The following DNAAF5 variants were observed in gnomAD, a reference collection of about 807,000 sequenced individuals.
DNAAF5 encodes dynein axonemal assembly factor 5.
Under a neutral mutation model 75.8 loss-of-function variants are expected in DNAAF5, and 64 were observed. That is an observed-to-expected ratio of 0.84 (90% CI 0.69 to 1.04). DNAAF5 has a LOEUF of 1.04. Ranked by LOEUF, DNAAF5 falls within the 50% of genes least tolerant of loss-of-function variation. The probability of loss-of-function intolerance (pLI) is 0.00; values close to 1 mark genes in which losing one functional copy is unlikely to be tolerated. For missense variants in DNAAF5, 1,269 were observed against 1,178.5 expected (o/e 1.08, Z -1.12); for synonymous variants, 657 against 557.2 (o/e 1.18, Z -2.52).
intron 2 of DNAAF5, among the ~76,000 whole-genome samples, chr7:734,363 C>G (rs766567698): frequency 6.6e-6 from 1 of 152,188 alleles, no homozygotes. Flanking sequence ...TCACGTAGTT[C>G]TTGTCCTTCA....
chr7:770,815 C>T, intron 9 of DNAAF5, 197 bp downstream of exon 9: 1 of 549,290 alleles, frequency 1.8e-6, no homozygotes, highest in African/African-American at 1.9e-5. Flanking sequence ...CTCCCCCACG[C>T]CGAGTCTAAG....
At position 756,829 on chromosome 7, in the gene DNAAF5, G is replaced by A; in HGVS notation, c.1305G>A (p.Val435=). The A allele has an allele frequency of 2.5e-6, 4 of 1,614,046 alleles. No individual in the cohort carries two copies. The South Asian group carries it at 4.4e-5, about 18-fold the overall frequency. Residue 435 remains valine, a synonymous_variant, in exon 6 of 13, where the codon GTG becomes GTA. Coordinates refer to ENST00000297440, the MANE Select transcript of DNAAF5 (RefSeq NM_017802.4). ...ELVGTFVSPE[V]FLKLILSTLK... ...TCGGGACGTTTGTCAGCCCTGAGGT[G>A]TTTCTGAAGCTGATCTTATCGACGC...
At chr7:745,930 C>T (rs925610179) in intron 4 of DNAAF5, among the ~76,000 whole-genome samples, 3 of 152,126 alleles carry the variant, frequency 2.0e-5, no homozygotes, top group Admixed American at 6.5e-5. Context: ...TTATCCGTGC[C>T]GAGGCGTAGA....
At chr7:732,323 G>A (rs530510626) in intron 2 of DNAAF5, among the ~76,000 whole-genome samples, 1 of 152,382 alleles carries the variant, frequency 6.6e-6, no homozygotes, top group African/African-American at 2.4e-5. Flanking sequence ...CAGGCAGGAC[G>A]GACGTATGGC....
chr7:741,574 G>A (rs1781913622), intron 4 of DNAAF5, 109 bp downstream of exon 4: 8 of 697,486 alleles, frequency 1.1e-5, no homozygotes, highest in African/African-American at 5.4e-5. Context: ...GAGCCCAGGC[G>A]GCCGCGTCGG....
At chr7:746,602 A>G (rs1229147820) in intron 4 of DNAAF5, among the ~76,000 whole-genome samples, 1 of 139,612 alleles carries the variant, frequency 7.2e-6, no homozygotes, top group Non-Finnish European at 1.5e-5. Context: ...CGTCGTGCCT[A>G]GGGACTGTGA....
intron 4 of DNAAF5, among the ~76,000 whole-genome samples, chr7:750,188 G>A (rs564384024): frequency 1.5e-4 from 23 of 152,172 alleles, no homozygotes; most frequent in Non-Finnish European, 2.8e-4. Context: ...CAGTTTCTGC[G>A]TGTTGAGTGC....
At chr7:743,413 G>A (rs552449491) in intron 4 of DNAAF5, among the ~76,000 whole-genome samples, 1 of 152,006 alleles carries the variant, frequency 6.6e-6, no homozygotes, top group Admixed American at 6.6e-5. Context: ...CTCATGTCTG[G>A]TATTGATGTT....
chr7:750,269 G>A (rs1177081325), intron 4 of DNAAF5, among the ~76,000 whole-genome samples: 1 of 152,218 alleles, frequency 6.6e-6, no homozygotes, highest in African/African-American at 2.4e-5. Context: ...GCATCGCACA[G>A]CCAGGCACGT....
chr7:746,214 G>A (rs1201592463), intron 4 of DNAAF5, among the ~76,000 whole-genome samples: 3 of 151,806 alleles, frequency 2.0e-5, no homozygotes, highest in Non-Finnish European at 2.9e-5. Context: ...CCTCCCTGCC[G>A]TCCTGCCACC....
intron 9 of DNAAF5, 34 bp downstream of exon 9, chr7:770,652 G>C (rs1283135930): frequency 3.1e-6 from 5 of 1,601,894 alleles, no homozygotes; most frequent in South Asian, 1.1e-5. Flanking sequence ...ACGGCCCCCA[G>C]CTGGGGCCTG....
intron 4 of DNAAF5, among the ~76,000 whole-genome samples, chr7:749,099 G>A (rs1372928646): frequency 1.3e-5 from 2 of 152,062 alleles, no homozygotes; most frequent in African/African-American, 4.8e-5. Flanking sequence ...TGAAACCTCC[G>A]CCTTAAAAAC....
At chr7:753,842 A>G (rs1426061282) in intron 4 of DNAAF5, among the ~76,000 whole-genome samples, 2 of 138,972 alleles carry the variant, frequency 1.4e-5, no homozygotes, top group Admixed American at 7.4e-5. Context: ...ATGGCTTCGC[A>G]GGCGTGTCTC....
intron 8 of DNAAF5, among the ~76,000 whole-genome samples, chr7:766,452 C>T (rs1354651921): frequency 6.6e-6 from 1 of 152,148 alleles, no homozygotes; most frequent in African/African-American, 2.4e-5. Flanking sequence ...TTTAAACATA[C>T]AGAAAGGGAT....
chr7:732,840 G>A (rs907824624), intron 2 of DNAAF5, among the ~76,000 whole-genome samples: 1 of 152,080 alleles, frequency 6.6e-6, no homozygotes, highest in African/African-American at 2.4e-5. Flanking sequence ...TTAACTTGAT[G>A]TGATCCCATT....
At chr7:757,410 C>T (rs1365297517) in intron 6 of DNAAF5, among the ~76,000 whole-genome samples, 5 of 152,244 alleles carry the variant, frequency 3.3e-5, no homozygotes, top group South Asian at 2.1e-4. Flanking sequence ...CGTCATCCCA[C>T]CCCTGAGGAG....
rs1194168291 is a variant in DNAAF5, at chr7:726,940, GCGCGCCTACTGCTGC to G, written c.226_240del (p.Leu78_Leu82del). 1.5e-6 allele frequency: 2 copies of G among 1,340,196 alleles called. No homozygotes were observed. The highest frequency in any genetic ancestry group is 1.9e-6 in the Non-Finnish European group (2 of 1,042,460). 83.0% of individuals were successfully genotyped at this position (1,340,196 alleles called of 1,614,324 possible). ...CCCCACCGCTTTCCAGGGCCCCTGG[GCGCGCCTACTGCTGC>G]CGCGCTTGCTGCGCTGCCTGAGCGA... On this transcript the variant is annotated inframe_deletion, in exon 1 of 13. Coordinates refer to ENST00000297440, the MANE Select transcript of DNAAF5 (RefSeq NM_017802.4).
rs766901850 is a variant in DNAAF5 at position 729,689 on chromosome 7, C to T, written c.622C>T (p.Leu208=). ...CCACTTCCACATGCAGTCGGAGTCT[C>T]TGATCGGGCCCCTGATGCAGACCAT... ...PDHFHMQSES[L]IGPLMQTISH... The change falls in exon 2 of 13, where the codon CTG becomes TTG. Residue 208 remains leucine, a synonymous_variant. Coordinates refer to ENST00000297440, the MANE Select transcript of DNAAF5 (RefSeq NM_017802.4). 45 of 1,613,918 alleles carry T rather than the reference C, an allele frequency of 2.8e-5. No homozygotes were observed. Among genetic ancestry groups the T allele is most frequent in the Non-Finnish European group, 3.6e-5 (43 of 1,180,032 alleles).
Position 754,764 on chromosome 7 carries a change from C to T in DNAAF5, c.1200C>T (p.Val400=), listed in dbSNP as rs763886047. 61 of 1,613,176 alleles carry T rather than the reference C, an allele frequency of 3.8e-5. 2 individuals are homozygous for T. The South Asian group carries it at 5.4e-4, about 14-fold the overall frequency. The change falls in exon 5 of 13, where the codon GTC becomes GTT. Residue 400 remains valine (V), a synonymous_variant. Coordinates refer to ENST00000297440, the MANE Select transcript of DNAAF5 (RefSeq NM_017802.4). This position sits in a 1 kb window ranked among gnomAD's most constrained non-coding sequence, Gnocchi z 4.8. ...ACCACGCCACGCAGCACCTGGAGGT[C>T]GTCCTCCGGACCCTGTTCCAGGCCT... ...AEDHATQHLE[V]VLRTLFQACT... is the part of the protein sequence containing the mutation.
Sources: gnomAD v4.1 joint callset for allele counts (sites outside exome capture counted in the v4.1 genomes callset) on GRCh38, gnomAD v4.1.1 for gene constraint, Gnocchi (gnomAD v3.1) non-coding constraint, MANE v1.5 for transcripts, NCBI Gene and HGNC (gene_info 2026-07-23, HGNC 2026-07-21) for gene names.